The following MIPOL1 variants were observed in gnomAD, a reference collection of about 807,000 sequenced individuals.
The protein encoded by MIPOL1 is mirror-image polydactyly 1, also known as mirror-image polydactyly gene 1 protein.
In MIPOL1, 57 loss-of-function variants were observed where a neutral mutation model predicts 60.9. The observed-to-expected ratio is 0.94, with a 90% confidence interval of 0.76 to 1.17. MIPOL1 has a LOEUF of 1.17. Ranked by LOEUF, MIPOL1 falls within the 50% of genes most tolerant of loss-of-function variation. The probability of loss-of-function intolerance (pLI) is 0.00; values close to 1 mark genes in which losing one functional copy is unlikely to be tolerated. For synonymous variants in MIPOL1, 179 were observed against 168.8 expected (o/e 1.06, Z -0.47); for missense variants, 551 against 511.6 (o/e 1.08, Z -0.74).
At chr14:37,356,178 A>G (rs562183733) in intron 9 of MIPOL1, among the ~76,000 whole-genome samples, 4 of 150,890 alleles carry the variant, frequency 2.7e-5, no homozygotes, top group African/African-American at 9.8e-5. Context: ...GTGAGGTGTC[A>G]GTCTGTCCCT....
chr14:37,418,791 A>G (rs2093817481), intron 10 of MIPOL1, among the ~76,000 whole-genome samples: 1 of 152,110 alleles, frequency 6.6e-6, no homozygotes. Context: ...AAGAATGCCT[A>G]ACTGATAGTA....
At chr14:37,199,028 G>A (rs960760725) in intron 1 of MIPOL1, among the ~76,000 whole-genome samples, 1 of 152,114 alleles carries the variant, frequency 6.6e-6, no homozygotes, top group African/African-American at 2.4e-5. Flanking sequence ...GTCATTGATG[G>A]GAGGTAATGA....
intron 10 of MIPOL1, among the ~76,000 whole-genome samples, chr14:37,386,902 C>G (rs1305203833): frequency 6.6e-6 from 1 of 152,052 alleles, no homozygotes; most frequent in Admixed American, 6.6e-5. Context: ...CTAATCCCAG[C>G]TTTTCAATGG....
At chr14:37,315,043 G>T (rs1403616175) in intron 9 of MIPOL1, among the ~76,000 whole-genome samples, 1 of 152,276 alleles carries the variant, frequency 6.6e-6, no homozygotes, top group East Asian at 1.9e-4. Flanking sequence ...AGTACTTTCA[G>T]GTAGTGGTGT....
chr14:37,357,969 C>T (rs914636187), intron 9 of MIPOL1, among the ~76,000 whole-genome samples: 2 of 151,972 alleles, frequency 1.3e-5, no homozygotes, highest in Non-Finnish European at 2.9e-5. Context: ...AGGTATTTCT[C>T]CTAATGCTAT....
chr14:37,493,257 A>G (rs2095070941), intron 11 of MIPOL1, among the ~76,000 whole-genome samples: 1 of 152,202 alleles, frequency 6.6e-6, no homozygotes, highest in African/African-American at 2.4e-5. Flanking sequence ...CATTACAATT[A>G]AGATAGAGTT....
At chr14:37,390,389 A>G (rs1200218070) in intron 10 of MIPOL1, among the ~76,000 whole-genome samples, 5 of 152,146 alleles carry the variant, frequency 3.3e-5, no homozygotes, top group Non-Finnish European at 7.4e-5. Flanking sequence ...ACAATTGAAG[A>G]CATTCCATTG....
At chr14:37,204,641 C>T (rs10146093) in intron 1 of MIPOL1, among the ~76,000 whole-genome samples, 2,483 of 152,170 alleles carry the variant, frequency 0.016, 56 homozygotes, top group African/African-American at 0.055. Flanking sequence ...TCCCAAGCCA[C>T]GTGGAACTGC....
chr14:37,393,724 T>G (rs1333470882), intron 10 of MIPOL1, among the ~76,000 whole-genome samples: 2 of 151,746 alleles, frequency 1.3e-5, no homozygotes, highest in African/African-American at 2.4e-5. Flanking sequence ...CATAGGTTTT[T>G]GGGGTACAGG....
chr14:37,270,019 G>A (rs2083174153), intron 5 of MIPOL1, among the ~76,000 whole-genome samples: 1 of 151,984 alleles, frequency 6.6e-6, no homozygotes, highest in African/African-American at 2.4e-5. Context: ...AGTAGAGACG[G>A]GGTTTCATCA....
intron 3 of MIPOL1, among the ~76,000 whole-genome samples, chr14:37,260,895 A>C (rs1228230851): frequency 6.6e-6 from 1 of 152,086 alleles, no homozygotes; most frequent in Non-Finnish European, 1.5e-5. Context: ...ATATCATAGA[A>C]TATGTAATTA....
At chr14:37,265,807 A>C (rs546080573) in intron 3 of MIPOL1, among the ~76,000 whole-genome samples, 20 of 152,022 alleles carry the variant, frequency 1.3e-4, no homozygotes, top group African/African-American at 4.6e-4. Context: ...GACCTAAAAC[A>C]TTTTTTTTAA....
chr14:37,455,878 A>G (rs1403390853), intron 11 of MIPOL1, among the ~76,000 whole-genome samples: 1 of 152,020 alleles, frequency 6.6e-6, no homozygotes, highest in Non-Finnish European at 1.5e-5. Context: ...AATGTGTTTC[A>G]TTGTGATGTC....
intron 1 of MIPOL1, among the ~76,000 whole-genome samples, chr14:37,211,865 C>G (rs377420015): frequency 6.6e-6 from 1 of 151,668 alleles, no homozygotes; most frequent in Admixed American, 6.6e-5. Flanking sequence ...TATCTTGCAT[C>G]GAGGATATCA....
In MIPOL1 at chr14:37,550,103, G is replaced by A. The variant is rs956131924; in HGVS notation, c.*3132G>A. ...ATTATTAATGTATTTTAAATATGGA[G>A]TAAAATATTTTGCTAATTTTTTTCA... On this transcript the variant is annotated 3_prime_UTR_variant, in exon 13 of 13. Transcript: ENST00000684589. The A allele has an allele frequency of 2.0e-5, 3 of 151,450 alleles. No individual in the cohort carries two copies. The East Asian group carries it at 5.8e-4, about 29-fold the overall frequency. The allele number at this position is 151,450 out of a possible 1,614,324, so 9.4% of individuals were successfully genotyped here.
chr14:37,335,428 A>T (rs1399915845), intron 9 of MIPOL1, among the ~76,000 whole-genome samples: 1 of 152,028 alleles, frequency 6.6e-6, no homozygotes, highest in East Asian at 1.9e-4. Context: ...CTGGCCCCTG[A>T]CAACTTCACC....
In MIPOL1 at chr14:37,285,322, G is replaced by C; in HGVS notation, c.498G>C (p.Leu166=). 6.2e-7 allele frequency: 1 copy of C among 1,613,938 alleles called. No homozygotes were observed. The highest frequency in any genetic ancestry group is 8.5e-7 in the Non-Finnish European group (1 of 1,179,922). The change falls in exon 7 of 13, where the codon CTG becomes CTC. Residue 166 remains leucine, a synonymous_variant. Coordinates refer to ENST00000684589, the MANE Select transcript of MIPOL1 (RefSeq NM_001388067.1). The stretch of plus-strand genomic sequence containing the variant: ...GCGCTTTATATATTTTGGTAGCTCT[G>C]GTTGAAGAAGTGTATTTTGCGCAGA... ...EAKIAEKTAA[L]VEEVYFAQKE... is the part of the protein sequence containing the mutation.
intron 12 of MIPOL1, among the ~76,000 whole-genome samples, chr14:37,530,512 C>CAATAATTAAATTTAGATTG (rs2095472697): frequency 6.6e-6 from 1 of 152,136 alleles, no homozygotes; most frequent in Admixed American, 6.5e-5. Flanking sequence ...TTGTATAACC[C>CAATAATTAAATTTAGATTG]CATTTCCCAA....
chr14:37,359,365 T>A (rs1366886799), intron 9 of MIPOL1, among the ~76,000 whole-genome samples: 1 of 152,242 alleles, frequency 6.6e-6, no homozygotes, highest in Non-Finnish European at 1.5e-5. Flanking sequence ...TTTCCAATTC[T>A]GTGAAGAAAG....
Sources: allele counts gnomAD v4.1 joint callset (sites outside exome capture counted in the v4.1 genomes callset), GRCh38; gene constraint gnomAD v4.1.1; transcripts MANE v1.5; gene names NCBI Gene and HGNC (gene_info 2026-07-23, HGNC 2026-07-21).